Variants in DTL observed in about 807,000 individuals in gnomAD.
The protein encoded by DTL is denticleless protein homolog.
In DTL, 46 loss-of-function variants were observed where a neutral mutation model predicts 87.0. That is an observed-to-expected ratio of 0.53 (90% CI 0.42 to 0.68). DTL has a LOEUF of 0.68. DTL is among the 30% of genes least tolerant of loss of function. The pLI is 0.00. For missense variants in DTL, 737 were observed against 869.4 expected, an observed-to-expected ratio of 0.85 and a Z score of 1.91; for synonymous variants, 308 against 311.2, an observed-to-expected ratio of 0.99 and a Z score of 0.11.
chr1:212,035,810 G>A lies in DTL; in HGVS notation c.-81G>A, dbSNP rs2102517335. The A allele has an allele frequency of 2.9e-6, 4 of 1,390,850 alleles. No homozygotes were observed. Among genetic ancestry groups the A allele is most frequent in the Admixed American group, 1.8e-5 (1 of 57,134 alleles). 86.2% of individuals were successfully genotyped at this position (1,390,850 alleles called of 1,614,324 possible). ...GAGGCGATAACGATTTGTGTTGTGA[G>A]AGGCGCAAGCTGCGATTTCTGCTGA... is the stretch of plus-strand genomic sequence containing the variant. On this transcript the variant is annotated 5_prime_UTR_variant, in exon 1 of 15. Transcript: ENST00000366991.
chr1:212,099,956 G>T (rs1238943238), intron 13 of DTL, among the ~76,000 whole-genome samples: 1 of 152,072 alleles, frequency 6.6e-6, no homozygotes, highest in Non-Finnish European at 1.5e-5. Flanking sequence ...CACAAATATA[G>T]AAAGTATGCT....
rs570445554 is a variant in DTL, at chr1:212,081,002, G to A, written c.1261+252G>A. Among the ~76,000 whole-genome samples, 3 of 152,230 alleles carry A rather than the reference G, an allele frequency of 2.0e-5. No homozygotes were observed. The South Asian group carries it at 6.2e-4, about 32-fold the overall frequency. ...CAGTATGTGCTGGGCCCTGTTCTTA[G>A]TTGCTAGGGATTCAGCAATGAACAA... On this transcript the variant is annotated intron_variant, in intron 13 of 14. Transcript: ENST00000366991.
At position 212,072,201 on chromosome 1, in the gene DTL, C is replaced by T; in HGVS notation, c.1023C>T (p.Ala341=). The stretch of plus-strand genomic sequence containing the variant: ...TCAGTGGCTCAAGTGATGAAGCTGC[C>T]TACATATGGAAGGTAAGTTGCTAAA... The part of the protein sequence containing the change: ...FLVSGSSDEA[A]YIWKVSTPWQ... The change falls in exon 11 of 15, where the codon GCC becomes GCT. Residue 341 remains alanine (A), a synonymous_variant. Transcript: ENST00000366991. 1.9e-6 allele frequency: 3 copies of T among 1,613,032 alleles called. No homozygotes were observed. The highest frequency in any genetic ancestry group is 2.5e-6 in the Non-Finnish European group (3 of 1,179,104).
intron 5 of DTL, among the ~76,000 whole-genome samples, chr1:212,054,290 C>G (rs1257672367): frequency 1.3e-5 from 2 of 151,972 alleles, no homozygotes; most frequent in Non-Finnish European, 1.5e-5. Flanking sequence ...CTTGTTGCTC[C>G]CAGTCTCCTT....
intron 5 of DTL, chr1:212,051,445 T>TTTTTTTTTTTTTTTTTTTTTTTTTTTTA: frequency 1.4e-5 from 1 of 69,036 alleles, no homozygotes; most frequent in Non-Finnish European, 2.8e-5. Flanking sequence ...TGAAATTCTT[T>TTTTTTTTTTTTTTTTTTTTTTTTTTTTA]TTTTTTTTTT....
intron 13 of DTL, among the ~76,000 whole-genome samples, chr1:212,091,742 A>T (rs1188854016): frequency 6.6e-6 from 1 of 152,236 alleles, no homozygotes; most frequent in Non-Finnish European, 1.5e-5. Flanking sequence ...AGTTGAACTC[A>T]TAGGAGCAGA....
chr1:212,072,704 A>G (rs1338453370), intron 11 of DTL, among the ~76,000 whole-genome samples: 1 of 151,986 alleles, frequency 6.6e-6, no homozygotes, highest in Non-Finnish European at 1.5e-5. Flanking sequence ...AGGCCACTAA[A>G]GTAGATATGG....
intron 13 of DTL, among the ~76,000 whole-genome samples, chr1:212,091,177 A>G (rs781320123): frequency 2.0e-5 from 3 of 152,212 alleles, no homozygotes; most frequent in Non-Finnish European, 4.4e-5. Flanking sequence ...AAGACATACA[A>G]ATGCCCAACA....
At chr1:212,061,308 A>G (rs572446232) in intron 5 of DTL, among the ~76,000 whole-genome samples, 2 of 152,268 alleles carry the variant, frequency 1.3e-5, no homozygotes, top group South Asian at 2.1e-4. Context: ...AAGACATACA[A>G]ATGGCCAACA....
chr1:212,055,749 C>T (rs541067890), intron 5 of DTL, among the ~76,000 whole-genome samples: 49 of 152,196 alleles, frequency 3.2e-4, no homozygotes, highest in Non-Finnish European at 5.6e-4. Flanking sequence ...CTGGGGATCA[C>T]CCCACCCCTG....
intron 1 of DTL, among the ~76,000 whole-genome samples, chr1:212,042,536 A>G (rs960116332): frequency 6.6e-6 from 1 of 152,242 alleles, no homozygotes; most frequent in Admixed American, 6.5e-5. Flanking sequence ...TTTGGTGAAT[A>G]TGTTACTGGC....
chr1:212,058,168 G>A lies in DTL; in HGVS notation c.461-4716G>A, dbSNP rs111703630. Among the ~76,000 whole-genome samples the A allele has an allele frequency of 9.9e-5, 15 of 152,176 alleles. No individual in the cohort carries two copies. The East Asian group carries it at 2.1e-3, about 22-fold the overall frequency. On this transcript the variant is annotated intron_variant, in intron 5 of 14. Transcript: ENST00000366991. ...TCAGCGTTAGACAGATATCTAGAAA[G>A]AAAATTGGATTTAAACTGCACATTA...
rs537396939 is a variant in DTL at position 212,078,197 on chromosome 1, A to G, written c.1060A>G (p.Thr354Ala). ...WKVSTPWQPPTVLLGHSQEVT... is the reference protein window; with the variant it reads ...WKVSTPWQPPAVLLGHSQEVT... ...GGTCTCCACACCCTGGCAACCTCCT[A>G]CTGTGCTCCTGGGTCATTCTCAAGA... The change falls in exon 12 of 15, where the codon ACT (threonine) becomes GCT (alanine). Residue 354 changes from threonine to alanine, a missense_variant. Thr to Ala is a moderately conservative substitution (Grantham distance 58). Transcript: ENST00000366991. 33 of 1,612,012 alleles carry G rather than the reference A, an allele frequency of 2.0e-5. No individual in the cohort carries two copies. The African/African-American group carries it at 2.3e-4, about 11-fold the overall frequency.
rs138274574 is a variant in DTL, at chr1:212,066,851, G to A, written c.679G>A (p.Glu227Lys). The A allele has an allele frequency of 1.9e-5, 30 of 1,613,766 alleles. No homozygotes were observed. Among genetic ancestry groups the A allele is most frequent in the African/African-American group, 5.3e-5 (4 of 74,918 alleles). ...QSVTVVLFQD[E>K]NTLVSAGAVD... ...TGTTACTGTGGTCCTCTTTCAAGAC[G>A]AGAATACCTTAGTCTCAGCAGGAGC... Residue 227 changes from glutamate (E) to lysine (K), a missense_variant, in exon 8 of 15, where the codon GAG (glutamate) becomes AAG (lysine). Transcript: ENST00000366991.
In DTL at chr1:212,064,293, A is replaced by C. The variant is rs374748891; in HGVS notation, c.527-624A>C. Reference sequence around the variant, plus strand: ...CCCATATAGCCCCTGCCCTGCCCACACACAGACTTCCCCACTGACAACATC... The same window carrying C: ...CCCATATAGCCCCTGCCCTGCCCACCCACAGACTTCCCCACTGACAACATC... On this transcript the variant is annotated intron_variant, in intron 6 of 14. Transcript: ENST00000366991. 2.6e-5 allele frequency among the ~76,000 whole-genome samples: 4 copies of C among 152,186 alleles called. No homozygotes were observed. In the East Asian group the frequency reaches 5.8e-4, roughly 22 times the overall value.
intron 1 of DTL, among the ~76,000 whole-genome samples, chr1:212,039,300 G>A (rs1336271844): frequency 6.6e-6 from 1 of 152,100 alleles, no homozygotes; most frequent in Non-Finnish European, 1.5e-5. Context: ...ATGAATTTGG[G>A]TGTTTATGGT....
At position 212,035,946 on chromosome 1, in the gene DTL, A is replaced by C. The variant is rs1246549491; in HGVS notation, c.52+4A>C. ...CAGCTTGGCGTCCTGAGAAATGGTG[A>C]GTAACGGTCCCAACCGCTGCTCGGA... On this transcript the variant is annotated splice_donor_region_variant and intron_variant, in intron 1 of 14. Transcript: ENST00000366991. 2.2e-5 allele frequency: 35 copies of C among 1,614,018 alleles called. No individual in the cohort carries two copies. The highest frequency in any genetic ancestry group is 3.0e-5 in the Non-Finnish European group (35 of 1,179,916).
At chr1:212,058,332 A>G (rs866692479) in intron 5 of DTL, among the ~76,000 whole-genome samples, 1 of 152,202 alleles carries the variant, frequency 6.6e-6, no homozygotes, top group African/African-American at 2.4e-5. Flanking sequence ...CACATTTTTA[A>G]AAGTTGAAAT....
Position 212,087,634 on chromosome 1 carries a change from G to C in DTL, c.1261+6884G>C, listed in dbSNP as rs377444650. On this transcript the variant is annotated intron_variant, in intron 13 of 14. Coordinates refer to ENST00000366991, the MANE Select transcript of DTL (RefSeq NM_016448.4). The stretch of plus-strand genomic sequence containing the variant: ...GTTATGCCTAGATTACTCCATTTCT[G>C]GGTGATGCTAGGGTTACTCTGAAGA... Among the ~76,000 whole-genome samples, 31 of 152,112 alleles carry C rather than the reference G, an allele frequency of 2.0e-4. 1 individual carries two copies. The East Asian group carries it at 5.6e-3, about 28-fold the overall frequency.
Sources: allele counts gnomAD v4.1 joint callset (sites outside exome capture counted in the v4.1 genomes callset), GRCh38; gene constraint gnomAD v4.1.1; transcripts MANE v1.5; gene names NCBI Gene and HGNC (gene_info 2026-07-23, HGNC 2026-07-21).